The following STK39 variants were observed in gnomAD, a reference collection of about 807,000 sequenced individuals.
STK39 encodes serine/threonine kinase 39, also known as STE20/SPS1-related proline-alanine-rich protein kinase.
STK39 carries 20 observed loss-of-function variants against 77.8 expected under a neutral mutation model. The observed-to-expected ratio is 0.26, with a 90% CI of 0.18 to 0.37. The LOEUF is 0.37. Among genes scored for constraint, STK39 ranks in the 10% least tolerant of loss-of-function variants. The pLI is 1.00. For synonymous variants in STK39, 246 were observed against 234.1 expected (o/e 1.05, Z -0.47); for missense variants, 479 against 656.5 (o/e 0.73, Z 2.95).
At chr2:168,139,507 G>A (rs1362027937) in intron 7 of STK39, among the ~76,000 whole-genome samples, 1 of 151,552 alleles carries the variant, frequency 6.6e-6, no homozygotes, top group Admixed American at 6.6e-5. Context: ...TTCTTCTTTA[G>A]TCTGAGTTGC....
intron 1 of STK39, among the ~76,000 whole-genome samples, chr2:168,232,743 T>G (rs1012471728): frequency 1.3e-5 from 2 of 152,034 alleles, no homozygotes; most frequent in Non-Finnish European, 2.9e-5. Flanking sequence ...AAATCCCGTC[T>G]CTACTAAAAA....
chr2:168,063,538 T>C lies in STK39; in HGVS notation c.1338A>G (p.Glu446=). 6.2e-7 allele frequency: 1 copy of C among 1,613,282 alleles called. No individual in the cohort carries two copies. The highest frequency in any genetic ancestry group is 1.1e-5 in the South Asian group (1 of 90,968). The change falls in exon 14 of 18, where the codon GAA becomes GAG. Residue 446 remains glutamate, a synonymous_variant. Transcript: ENST00000355999. ...CGAGGTTCACGGCACAAGAAGAAGCTTCTCTGTAGTCTTCATTAGCATTGG... is the reference window on the plus strand; with the variant it reads ...CGAGGTTCACGGCACAAGAAGAAGCCTCTCTGTAGTCTTCATTAGCATTGG... ...GPPNANEDYR[E]ASSCAVNLVL...
chr2:168,146,069 T>C (rs3769400), intron 5 of STK39, among the ~76,000 whole-genome samples: 5,348 of 152,256 alleles, frequency 0.035, 272 homozygotes, highest in East Asian at 0.24. Flanking sequence ...CCCTAGCCAG[T>C]TCTGTGGATG....
intron 2 of STK39, among the ~76,000 whole-genome samples, chr2:168,171,708 C>T (rs190772827): frequency 2.0e-5 from 3 of 151,950 alleles, no homozygotes; most frequent in Non-Finnish European, 4.4e-5. Context: ...AGGCTGGTCT[C>T]GAGCTCCCAG....
intron 6 of STK39, 63 bp downstream of exon 6, chr2:168,140,586 C>T: frequency 1.5e-6 from 2 of 1,337,772 alleles, no homozygotes; most frequent in African/African-American, 1.5e-5. Flanking sequence ...GAAATGTTAG[C>T]ATATTAATGA....
intron 5 of STK39, among the ~76,000 whole-genome samples, chr2:168,143,221 T>C (rs1008971531): frequency 6.6e-6 from 1 of 152,206 alleles, no homozygotes; most frequent in Admixed American, 6.5e-5. Flanking sequence ...AATGCTGTCA[T>C]CCTAATAACA....
chr2:168,172,386 A>T (rs1688851002), intron 2 of STK39, among the ~76,000 whole-genome samples: 1 of 152,210 alleles, frequency 6.6e-6, no homozygotes, highest in South Asian at 2.1e-4. Context: ...TCATTTGGTC[A>T]TGAATTTTTA....
intron 1 of STK39, among the ~76,000 whole-genome samples, chr2:168,192,600 G>C (rs1689366571): frequency 6.6e-6 from 1 of 152,170 alleles, no homozygotes; most frequent in South Asian, 2.1e-4. Context: ...CAAGCTATGT[G>C]ACCTTGGGCA....
intron 10 of STK39, among the ~76,000 whole-genome samples, chr2:168,078,520 C>G (rs1686140956): frequency 6.6e-6 from 1 of 152,122 alleles, no homozygotes; most frequent in African/African-American, 2.4e-5. Context: ...GTTGTACCGT[C>G]CCCATGCAAC....
intron 1 of STK39, 46 bp downstream of exon 1, chr2:168,247,182 C>T (rs975907390): frequency 5.1e-5 from 58 of 1,142,710 alleles, no homozygotes; most frequent in Non-Finnish European, 5.9e-5. Context: ...CCCGCCCGGC[C>T]TCGGCGCCCG....
intron 14 of STK39, among the ~76,000 whole-genome samples, chr2:168,061,930 G>A (rs116316994): frequency 0.011 from 1,628 of 152,208 alleles, 36 homozygotes; most frequent in African/African-American, 0.037. Context: ...GCACTAAGGG[G>A]GAGAATTACA....
intron 16 of STK39, among the ~76,000 whole-genome samples, chr2:167,982,146 A>T (rs957160470): frequency 1.3e-5 from 2 of 152,236 alleles, no homozygotes; most frequent in Non-Finnish European, 2.9e-5. Context: ...CGGCTTGAAC[A>T]TTCTTGTTAT....
intron 16 of STK39, among the ~76,000 whole-genome samples, chr2:167,992,135 T>C (rs1179820508): frequency 6.6e-6 from 1 of 152,206 alleles, no homozygotes; most frequent in Non-Finnish European, 1.5e-5. Flanking sequence ...GCCTGGGAGA[T>C]AACATAACTC....
intron 10 of STK39, among the ~76,000 whole-genome samples, chr2:168,121,059 C>T (rs911630544): frequency 7.9e-5 from 12 of 152,166 alleles, no homozygotes; most frequent in Admixed American, 1.3e-4. Context: ...ATGACAAATA[C>T]GCTCCCATTT....
chr2:168,202,743 G>A (rs968320766), intron 1 of STK39, among the ~76,000 whole-genome samples: 3 of 151,796 alleles, frequency 2.0e-5, no homozygotes, highest in Non-Finnish European at 4.4e-5. Flanking sequence ...GAAGAATCTG[G>A]GAAACATCTA....
Position 168,075,156 on chromosome 2 carries a change from T to A in STK39, c.1165A>T (p.Met389Leu). 6.2e-7 allele frequency: 1 copy of A among 1,614,168 alleles called. No homozygotes were observed. The highest frequency in any genetic ancestry group is 8.5e-7 in the Non-Finnish European group (1 of 1,180,030). The change falls in exon 11 of 18, where the codon ATG (methionine) becomes TTG (leucine). Residue 389 changes from methionine to leucine, a missense_variant. By Grantham distance (15) the Met-to-Leu change is conservative (BLOSUM62 2). Around this residue, in one of 3 missense-constraint regions of STK39, gnomAD observed 244 missense variants for 296.8 expected, o/e 0.82. Transcript: ENST00000355999. Reference sequence around the variant, plus strand: ...TTCCCTTCTTCGCTCTTCTCATCCATCTCGTCGTCACTCCACTCCCAGTCC... The same window carrying A: ...TTCCCTTCTTCGCTCTTCTCATCCAACTCGTCGTCACTCCACTCCCAGTCC... ...DGDWEWSDDEMDEKSEEGKAA... is the reference protein window; with the variant it reads ...DGDWEWSDDELDEKSEEGKAA...
rs114428737 is a variant in STK39, at chr2:167,984,269, T to C, written c.1499-19543A>G. On this transcript the variant is annotated intron_variant, in intron 16 of 17. Coordinates refer to ENST00000355999, the MANE Select transcript of STK39 (RefSeq NM_013233.3). ...ATACACAAATGATTACAACATATTC[T>C]CATGAGTGCTGTTGGAGGGGCAGGA... Among the ~76,000 whole-genome samples, 332 of 152,302 alleles carry C rather than the reference T, an allele frequency of 2.2e-3. 4 individuals are homozygous for C. The highest frequency in any genetic ancestry group is 7.8e-3 in the African/African-American group (324 of 41,546).
chr2:168,020,634 ATAAT>A (rs1684547187), intron 14 of STK39, among the ~76,000 whole-genome samples: 1 of 150,520 alleles, frequency 6.6e-6, no homozygotes, highest in African/African-American at 2.4e-5. Context: ...TATATTATAT[ATAAT>A]TAAATGAGAT....
At chr2:168,039,130 T>C (rs1584431) in intron 14 of STK39, among the ~76,000 whole-genome samples, 8 of 152,034 alleles carry the variant, frequency 5.3e-5, no homozygotes, top group Admixed American at 2.6e-4. Flanking sequence ...TGAAAAAAAA[T>C]CCCCAAATGT....
Sources: allele counts gnomAD v4.1 joint callset (sites outside exome capture counted in the v4.1 genomes callset), GRCh38; gene constraint gnomAD v4.1.1; regional missense constraint gnomAD v4.1.1; transcripts MANE v1.5; gene names NCBI Gene and HGNC (gene_info 2026-07-23, HGNC 2026-07-21).